CIMIP2A: variants seen among roughly 807,000 people sequenced by gnomAD.
CIMIP2A encodes the protein family with sequence similarity 166 member A.
At chr9:137,245,070 A>G in the CIMIP2A span, 1 of 1,610,278 alleles carries the variant, frequency 6.2e-7, no homozygotes, top group East Asian at 2.2e-5. Context: ...TCTCCAGCCC[A>G]GCCCAGGCCC....
chr9:137,252,658 G>T, the CIMIP2A span: 1 of 1,539,940 alleles, frequency 6.5e-7, no homozygotes, highest in Non-Finnish European at 8.8e-7. Context: ...CTACCCCCTC[G>T]CAGTGGCCCT....
the CIMIP2A span, chr9:137,253,262 C>T: frequency 1.1e-5 from 18 of 1,597,418 alleles, no homozygotes; most frequent in Non-Finnish European, 1.4e-5. Context: ...CTGGGCACAA[C>T]CTGCTTGGCC....
At chr9:137,244,586 C>T in the CIMIP2A span, 1 of 1,597,760 alleles carries the variant, frequency 6.3e-7, no homozygotes, top group Non-Finnish European at 8.6e-7. Context: ...AGCTGCCAGG[C>T]AGGAGAGGAA....
the CIMIP2A span, chr9:137,251,600 G>C: frequency 8.6e-7 from 1 of 1,162,642 alleles, no homozygotes; most frequent in Non-Finnish European, 1.2e-6. Context: ...CAGGGGCTGA[G>C]GGACAGTGTG....
the CIMIP2A span, among the ~76,000 whole-genome samples, chr9:137,253,782 T>C: frequency 6.6e-6 from 1 of 152,158 alleles, no homozygotes; most frequent in African/African-American, 2.4e-5. Flanking sequence ...AGGCGTCAAA[T>C]GCCCTGAGCC....
chr9:137,245,279 G>T, the CIMIP2A span: 1 of 1,578,144 alleles, frequency 6.3e-7, no homozygotes, highest in South Asian at 1.2e-5. Flanking sequence ...AGCGGAATGG[G>T]CTTGGCACTG....
chr9:137,252,845 G>A, the CIMIP2A span: 3 of 1,575,452 alleles, frequency 1.9e-6, no homozygotes, highest in Admixed American at 1.8e-5. Flanking sequence ...GCAGGCACCT[G>A]GCAAGAGATG....
the CIMIP2A span, chr9:137,245,187 G>A: frequency 3.2e-6 from 3 of 932,800 alleles, no homozygotes; most frequent in Non-Finnish European, 3.4e-6. Context: ...GCGGGCGGGG[G>A]GTGGGTACTC....
At chr9:137,253,281 G>T in the CIMIP2A span, 1 of 1,585,876 alleles carries the variant, frequency 6.3e-7, no homozygotes, top group East Asian at 2.3e-5. Flanking sequence ...CCCGGCCACC[G>T]AGTGGAACCA....
chr9:137,248,310 G>A, the CIMIP2A span, among the ~76,000 whole-genome samples: 4 of 152,200 alleles, frequency 2.6e-5, no homozygotes, highest in African/African-American at 9.6e-5. Context: ...CACTTTGGGA[G>A]GCCGAGGCAG....
the CIMIP2A span, chr9:137,252,202 C>A: frequency 7.1e-6 from 11 of 1,551,814 alleles, no homozygotes; most frequent in Non-Finnish European, 9.6e-6. Context: ...GGGGCCTTTG[C>A]CTCTGTGCTG....
the CIMIP2A span, among the ~76,000 whole-genome samples, chr9:137,248,175 C>T: frequency 6.6e-6 from 1 of 152,198 alleles, no homozygotes; most frequent in Non-Finnish European, 1.5e-5. Context: ...TCATGTGGCG[C>T]AGGGTGTTAT....
the CIMIP2A span, chr9:137,245,034 A>C: frequency 6.2e-7 from 1 of 1,610,122 alleles, no homozygotes. Flanking sequence ...CTCACACTGC[A>C]AGAACCTTGT....
the CIMIP2A span, among the ~76,000 whole-genome samples, chr9:137,250,041 T>C: frequency 6.6e-6 from 1 of 152,012 alleles, no homozygotes; most frequent in Non-Finnish European, 1.5e-5. Flanking sequence ...TCTGACACCA[T>C]CTCCAGGTAA....
At chr9:137,251,690 C>A in the CIMIP2A span, 1 of 1,540,916 alleles carries the variant, frequency 6.5e-7, no homozygotes, top group South Asian at 1.2e-5. Flanking sequence ...GGGCATGTGG[C>A]TGGGAGCGGC....
chr9:137,250,603 C>T, the CIMIP2A span: 4 of 154,142 alleles, frequency 2.6e-5, no homozygotes, highest in Admixed American at 1.9e-4. Context: ...AGTGAGGGCC[C>T]TGGTGCCCAC....
At chr9:137,250,192 C>T in the CIMIP2A span, 3 of 152,224 alleles carry the variant, frequency 2.0e-5, no homozygotes, top group African/African-American at 7.2e-5. Context: ...GAGCATTTCC[C>T]CCACGCACCT....
the CIMIP2A span, among the ~76,000 whole-genome samples, chr9:137,254,114 C>T: frequency 3.3e-5 from 5 of 152,224 alleles, no homozygotes; most frequent in African/African-American, 1.2e-4. Context: ...ACCCGCACCT[C>T]CCCAGGTCCT....
chr9:137,253,594 CT>C, the CIMIP2A span: 1 of 1,045,716 alleles, frequency 9.6e-7, no homozygotes, highest in Non-Finnish European at 1.3e-6. Flanking sequence ...TCAGCTGCCC[CT>C]GAAAGGTGCT....
Sources: allele counts gnomAD v4.1 joint callset (sites outside exome capture counted in the v4.1 genomes callset), GRCh38; gene constraint gnomAD v4.1.1; transcripts MANE v1.5; gene names NCBI Gene and HGNC (gene_info 2026-07-23, HGNC 2026-07-21).